Variants in KIF20B observed in about 807,000 individuals in gnomAD.
KIF20B encodes the protein kinesin family member 20B, also known as kinesin-like protein KIF20B.
A neutral mutation model predicts 232.5 loss-of-function variants in KIF20B; 188 were observed. The observed-to-expected ratio is 0.81, with a 90% CI of 0.72 to 0.91. The LOEUF (loss-of-function observed/expected upper bound fraction) is 0.91. Ranked by LOEUF, KIF20B falls within the 40% of genes least tolerant of loss-of-function variation. The pLI is 0.00. For synonymous variants in KIF20B, 712 were observed against 683.0 expected (o/e 1.04, Z -0.66); for missense variants, 2,154 against 2,055.9 (o/e 1.05, Z -0.92).
At chr10:89,743,134 G>A (rs528308658) in intron 21 of KIF20B, among the ~76,000 whole-genome samples, 43 of 152,310 alleles carry the variant, frequency 2.8e-4, no homozygotes, top group African/African-American at 9.4e-4. Context: ...CTGCCAGTTA[G>A]ATAACTTCCC....
chr10:89,738,082 C>T lies in KIF20B; in HGVS notation c.3241C>T (p.Leu1081=). 1 of 1,612,806 alleles carries T rather than the reference C, an allele frequency of 6.2e-7. No individual in the cohort carries two copies. Among genetic ancestry groups the T allele is most frequent in the Non-Finnish European group, 8.5e-7 (1 of 1,179,570 alleles). Residue 1081 remains leucine, a synonymous_variant, in exon 20 of 33, where the codon CTG becomes TTG. Transcript: ENST00000371728. The part of the protein sequence containing the change: ...SSKKSHQIEE[L]EQQIEKLQAE... ...CAAAAAAAGTCATCAGATTGAGGAA[C>T]TGGAACAACAAATTGAAAAATTGCA...
chr10:89,720,337 T>C (rs929053060), intron 13 of KIF20B, among the ~76,000 whole-genome samples: 22 of 152,236 alleles, frequency 1.4e-4, no homozygotes, highest in African/African-American at 4.6e-4. Flanking sequence ...AAGCTTTTTA[T>C]GTAGGTTAAG....
chr10:89,774,042 C>T lies in KIF20B; in HGVS notation c.5457C>T (p.Ala1819=). 6.4e-7 allele frequency: 1 copy of T among 1,568,282 alleles called. No homozygotes were observed. Among genetic ancestry groups the T allele is most frequent in the South Asian group, 1.2e-5 (1 of 82,616 alleles). The change falls in exon 33 of 33, where the codon GCC becomes GCT. Residue 1819 remains alanine, a synonymous_variant. Transcript: ENST00000371728. ...AACGACGACTTCGAACAAAAACAGC[C>T]AAATAAATCACTTATGGAAATGTTT... is the stretch of plus-strand genomic sequence containing the variant. ...IIKRRLRTKT[A]K
Position 89,738,371 on chromosome 10 carries a change from G to A in KIF20B, c.3530G>A (p.Cys1177Tyr), listed in dbSNP as rs202221525. ...ETILETQKVE[C>Y]SHSAKLEQDI... is the part of the protein sequence containing the mutation. ...ATTTTAGAGACTCAGAAAGTTGAAT[G>A]TAGTCATTCAGCCAAGTTAGAACAA... The change falls in exon 20 of 33, where the codon TGT becomes TAT. Residue 1177 changes from cysteine to tyrosine, a missense_variant. Cys to Tyr is a radical substitution (Grantham distance 194). Transcript: ENST00000371728. The A allele has an allele frequency of 6.7e-5, 107 of 1,606,606 alleles. No homozygotes were observed. Among genetic ancestry groups the A allele is most frequent in the Non-Finnish European group, 4.4e-5 (52 of 1,177,832 alleles).
chr10:89,706,111 C>T (rs1480495131), intron 2 of KIF20B, among the ~76,000 whole-genome samples: 1 of 152,172 alleles, frequency 6.6e-6, no homozygotes, highest in Non-Finnish European at 1.5e-5. Flanking sequence ...GCTATCCCAG[C>T]AGTGGCAATG....
At chr10:89,739,350 G>C (rs1387499639) in intron 21 of KIF20B, among the ~76,000 whole-genome samples, 1 of 152,084 alleles carries the variant, frequency 6.6e-6, no homozygotes, top group African/African-American at 2.4e-5. Context: ...CTAAATGTAA[G>C]TCCTTACAAA....
Position 89,738,229 on chromosome 10 carries a change from G to GA in KIF20B, c.3395dup (p.Asn1132LysfsTer5). On this transcript the variant is annotated frameshift_variant, in exon 20 of 33. Coordinates refer to ENST00000371728, the MANE Select transcript of KIF20B (RefSeq NM_001284259.2). LOFTEE classifies it high-confidence loss of function. ...ACAGCAGCTGAAAGAAGAATTGCAA[G>GA]AAAAAAATGTTACTCTTGATGTTCA... 2 of 1,599,730 alleles carry GA rather than the reference G, an allele frequency of 1.3e-6. No individual in the cohort carries two copies. Among genetic ancestry groups the GA allele is most frequent in the Non-Finnish European group, 1.7e-6 (2 of 1,176,808 alleles).
chr10:89,758,858 GATC>G lies in KIF20B; in HGVS notation c.4659_4661del (p.Ile1554del), dbSNP rs1396130132. 1.9e-6 allele frequency: 3 copies of G among 1,584,006 alleles called. No individual in the cohort carries two copies. The highest frequency in any genetic ancestry group is 2.6e-6 in the Non-Finnish European group (3 of 1,165,872). ...ATAATGAAATTGAACAACTAAAAAG[GATC>G]ATATCAGAGACTTCTAAAATAGTCA... On this transcript the variant is annotated inframe_deletion, in exon 27 of 33. Transcript: ENST00000371728.
At chr10:89,709,888 GAATTTTCTAA>G (rs1360906524) in intron 4 of KIF20B, 29 bp from the exon 5 acceptor site, 2 of 1,533,654 alleles carry the variant, frequency 1.3e-6, no homozygotes, top group Non-Finnish European at 1.8e-6. Flanking sequence ...ATATTAACTT[GAATTTTCTAA>G]AAAGAGTTTT....
In KIF20B at chr10:89,752,677, C is replaced by G. The variant is rs1842045142; in HGVS notation, c.4333C>G (p.Gln1445Glu). The change falls in exon 25 of 33, where the codon CAA becomes GAA. Residue 1445 changes from glutamine (Q) to glutamate (E), a missense_variant. Coordinates refer to ENST00000371728, the MANE Select transcript of KIF20B (RefSeq NM_001284259.2). ...TGTGCTTGGAAAGCTCACTAATCTT[C>G]AAGATGAGTTACAGGTATGACTTTA... ...TDVLGKLTNL[Q>E]DELQESEQKY... The G allele has an allele frequency of 1.9e-6, 3 of 1,573,554 alleles. No individual in the cohort carries two copies. The highest frequency in any genetic ancestry group is 8.6e-7 in the Non-Finnish European group (1 of 1,161,456).
chr10:89,704,742 A>G (rs1842687524), intron 1 of KIF20B, among the ~76,000 whole-genome samples: 1 of 152,136 alleles, frequency 6.6e-6, no homozygotes, highest in Non-Finnish European at 1.5e-5. Flanking sequence ...TATTTTTAGT[A>G]GAGACGGGGT....
chr10:89,725,663 T>C (rs1485801353), intron 15 of KIF20B, among the ~76,000 whole-genome samples: 2 of 152,156 alleles, frequency 1.3e-5, no homozygotes, highest in Non-Finnish European at 2.9e-5. Context: ...TGATCTTGAA[T>C]TCCTGGCTTC....
At chr10:89,760,451 A>G in intron 27 of KIF20B, 75 bp from the exon 28 acceptor site, 1 of 877,004 alleles carries the variant, frequency 1.1e-6, no homozygotes, top group Non-Finnish European at 1.8e-6. Flanking sequence ...TTGATTTTAT[A>G]TTCTTTATGT....
At position 89,743,928 on chromosome 10, in the gene KIF20B, G is replaced by A; in HGVS notation, c.4035+1G>A. The A allele has an allele frequency of 1.0e-5, 16 of 1,578,502 alleles. No individual in the cohort carries two copies. Among genetic ancestry groups the A allele is most frequent in the Non-Finnish European group, 1.4e-5 (16 of 1,167,854 alleles). On this transcript the variant is annotated splice_donor_variant, in intron 22 of 32. Coordinates refer to ENST00000371728, the MANE Select transcript of KIF20B (RefSeq NM_001284259.2). LOFTEE classifies it high-confidence loss of function. ...ACAGCGAACCATTCAGCAACTCAAG[G>A]TAAACAGTTTTGTTTTTAAAGATGA...
chr10:89,715,511 G>A (rs1327062271), intron 8 of KIF20B, among the ~76,000 whole-genome samples: 5 of 152,070 alleles, frequency 3.3e-5, no homozygotes, highest in African/African-American at 1.2e-4. Flanking sequence ...CTATTCTTCC[G>A]GAGTGGTTTT....
chr10:89,727,891 A>G lies in KIF20B; in HGVS notation c.2266A>G (p.Asn756Asp), dbSNP rs200422852. 276 of 1,559,554 alleles carry G rather than the reference A, an allele frequency of 1.8e-4. 1 individual carries two copies. In the East Asian group the frequency reaches 5.1e-3, roughly 29 times the overall value. ...DSLIQELETS[N>D]KKIITQNQRI... ...ATTGATTCAAGAGCTTGAGACATCT[A>G]ATAAGGTAATGCTTTAAGTTTTATT... The change falls in exon 17 of 33, where the codon AAT becomes GAT. Residue 756 changes from asparagine (N) to aspartate (D), a missense_variant. Transcript: ENST00000371728.
chr10:89,742,215 T>C (rs1168420844), intron 21 of KIF20B, among the ~76,000 whole-genome samples: 2 of 152,306 alleles, frequency 1.3e-5, no homozygotes, highest in South Asian at 2.1e-4. Context: ...TTAGCTAAGA[T>C]GGAAAAAGCA....
intron 23 of KIF20B, 66 bp downstream of exon 23, chr10:89,746,025 T>C (rs1036009547): frequency 8.7e-7 from 1 of 1,143,238 alleles, no homozygotes; most frequent in Admixed American, 1.7e-5. Context: ...GGGCATGCGA[T>C]GGGGGTATGA....
intron 1 of KIF20B, 71 bp from the exon 2 acceptor site, chr10:89,705,223 C>T (rs1386461596): frequency 7.3e-7 from 1 of 1,371,560 alleles, no homozygotes; most frequent in Non-Finnish European, 1.0e-6. Context: ...GTGGGCTAGA[C>T]TTTTGAAAGT....
Sources: allele counts gnomAD v4.1 joint callset (sites outside exome capture counted in the v4.1 genomes callset), GRCh38; gene constraint gnomAD v4.1.1; transcripts MANE v1.5; gene names NCBI Gene and HGNC (gene_info 2026-07-23, HGNC 2026-07-21).